Variants in DENND5A observed in about 807,000 individuals in gnomAD.
The protein encoded by DENND5A is DENN domain containing 5A, also known as DENN domain-containing protein 5A.
In DENND5A, 64 loss-of-function variants were observed where a neutral mutation model predicts 140.3. The observed-to-expected ratio is 0.46, with a 90% CI of 0.37 to 0.56. DENND5A has a LOEUF of 0.56. Among genes scored for constraint, DENND5A ranks in the 20% least tolerant of loss-of-function variants. DENND5A has a pLI of 0.00. For synonymous variants in DENND5A, 605 were observed against 607.7 expected (o/e 1.00, Z 0.07); for missense variants, 1,292 against 1,593.8 (o/e 0.81, Z 3.22).
intron 5 of DENND5A, among the ~76,000 whole-genome samples, chr11:9,189,474 T>C (rs944272273): frequency 5.9e-5 from 9 of 152,182 alleles, no homozygotes; most frequent in South Asian, 4.2e-4. Context: ...CACTGACAGC[T>C]TGCACTGTGT....
At position 9,145,712 on chromosome 11, in the gene DENND5A, C is replaced by A; in HGVS notation, c.2961G>T (p.Gln987His). ...ICISGELGET[Q>H]IMQIPRNVLE... ...GCACATTCCTGGGAATCTGCATGATCTGTGTCTCACCCAATTCTCCTGATA... is the reference window on the plus strand; with the variant it reads ...GCACATTCCTGGGAATCTGCATGATATGTGTCTCACCCAATTCTCCTGATA... The change falls in exon 17 of 23, where the codon CAG (glutamine) becomes CAT (histidine). Residue 987 changes from glutamine to histidine, a missense_variant. By Grantham distance (24) the Gln-to-His change is conservative. Coordinates refer to ENST00000328194, the MANE Select transcript of DENND5A (RefSeq NM_015213.4). The A allele has an allele frequency of 6.2e-7, 1 of 1,614,224 alleles. No homozygotes were observed. The highest frequency in any genetic ancestry group is 8.5e-7 in the Non-Finnish European group (1 of 1,180,038).
intron 11 of DENND5A, among the ~76,000 whole-genome samples, chr11:9,161,199 T>A (rs983843250): frequency 2.5e-4 from 38 of 152,162 alleles, no homozygotes; most frequent in African/African-American, 8.4e-4. Flanking sequence ...TACAAAAAAA[T>A]TAGCCAGGTG....
chr11:9,170,579 C>G (rs201766105), intron 9 of DENND5A, 48 bp downstream of exon 9: 2 of 1,609,966 alleles, frequency 1.2e-6, no homozygotes, highest in South Asian at 2.2e-5. Context: ...CTAGATGACC[C>G]TATTACAGCT....
intron 1 of DENND5A, among the ~76,000 whole-genome samples, chr11:9,219,178 T>A (rs1850214877): frequency 6.6e-6 from 1 of 151,900 alleles, no homozygotes; most frequent in Non-Finnish European, 1.5e-5. Flanking sequence ...TTCCCAGAAA[T>A]GACAGGCATG....
At chr11:9,190,308 G>A (rs911162468) in intron 5 of DENND5A, among the ~76,000 whole-genome samples, 1 of 152,096 alleles carries the variant, frequency 6.6e-6, no homozygotes, top group African/African-American at 2.4e-5. Flanking sequence ...GAAGGGGCCA[G>A]GGCAGAGTGA....
chr11:9,180,492 G>T (rs910323864), intron 6 of DENND5A, among the ~76,000 whole-genome samples: 13 of 152,208 alleles, frequency 8.5e-5, no homozygotes, highest in African/African-American at 2.9e-4. Flanking sequence ...TTACTATCAT[G>T]GTCTCTCCAA....
chr11:9,190,664 A>G (rs1057396256), intron 5 of DENND5A, among the ~76,000 whole-genome samples: 12 of 152,214 alleles, frequency 7.9e-5, no homozygotes, highest in African/African-American at 2.9e-4. Context: ...AAAATGGACT[A>G]ATACACTGCC....
chr11:9,228,404 G>A (rs1377262122), intron 1 of DENND5A, among the ~76,000 whole-genome samples: 1 of 152,112 alleles, frequency 6.6e-6, no homozygotes. Flanking sequence ...TTAATCACCA[G>A]TGAGCAATTA....
intron 1 of DENND5A, among the ~76,000 whole-genome samples, chr11:9,234,071 G>C (rs1341026531): frequency 6.6e-6 from 1 of 151,780 alleles, no homozygotes; most frequent in East Asian, 1.9e-4. Flanking sequence ...CCAGCTACTC[G>C]GGAGGCTGAG....
chr11:9,190,576 C>T (rs549128854), intron 5 of DENND5A, among the ~76,000 whole-genome samples: 1 of 152,274 alleles, frequency 6.6e-6, no homozygotes, highest in East Asian at 1.9e-4. Flanking sequence ...CTTTCCCAGC[C>T]ACATGGAACT....
chr11:9,179,859 G>T (rs1210533131), intron 6 of DENND5A, among the ~76,000 whole-genome samples: 1 of 151,068 alleles, frequency 6.6e-6, no homozygotes, highest in Non-Finnish European at 1.5e-5. Context: ...CATGATTTTT[G>T]AAAAATATCT....
At chr11:9,242,036 A>G (rs35354208) in intron 1 of DENND5A, among the ~76,000 whole-genome samples, 2 of 150,992 alleles carry the variant, frequency 1.3e-5, no homozygotes, top group African/African-American at 2.4e-5. Context: ...AAAAAAAAAA[A>G]GTACAACATC....
intron 4 of DENND5A, among the ~76,000 whole-genome samples, chr11:9,194,861 A>G (rs367677403): frequency 6.6e-6 from 1 of 150,942 alleles, no homozygotes; most frequent in Non-Finnish European, 1.5e-5. Flanking sequence ...CTGGGATTAC[A>G]GGTGCCCACC....
At chr11:9,207,484 T>C in intron 2 of DENND5A, 77 bp downstream of exon 2, 1 of 1,135,888 alleles carries the variant, frequency 8.8e-7, no homozygotes, top group East Asian at 2.4e-5. Context: ...GGTCAAAGGT[T>C]ACAAAATGCC....
At position 9,145,936 on chromosome 11, in the gene DENND5A, C is replaced by T. The variant is rs1442005258; in HGVS notation, c.2858-121G>A. The T allele has an allele frequency of 1.1e-5, 12 of 1,085,884 alleles. No individual in the cohort carries two copies. The East Asian group carries it at 2.8e-4, about 26-fold the overall frequency. The allele number at this position is 1,085,884 out of a possible 1,614,324, so 67.3% of individuals were successfully genotyped here. A position where few individuals can be genotyped will look rare whatever the true frequency, so the allele number is the denominator to read the frequency against. On this transcript the variant is annotated intron_variant, in intron 16 of 22. Transcript: ENST00000328194. The stretch of plus-strand genomic sequence containing the variant: ...GTGGCTCCTGCTATCTCAGCTCAAG[C>T]AGAGCCCTGGAACAAGAGGGCCCCA...
At chr11:9,257,656 G>C (rs1357917261) in intron 1 of DENND5A, among the ~76,000 whole-genome samples, 1 of 149,706 alleles carries the variant, frequency 6.7e-6, no homozygotes, top group Non-Finnish European at 1.5e-5. Flanking sequence ...TAATTTTTTT[G>C]AATTTTTAGT....
At chr11:9,211,233 G>A (rs1026686928) in intron 1 of DENND5A, among the ~76,000 whole-genome samples, 2 of 152,042 alleles carry the variant, frequency 1.3e-5, no homozygotes, top group Admixed American at 6.6e-5. Flanking sequence ...AGTGAAAGAG[G>A]GAGATTCCAG....
intron 17 of DENND5A, 76 bp downstream of exon 17, chr11:9,145,594 A>C: frequency 6.6e-7 from 1 of 1,510,932 alleles, no homozygotes; most frequent in Non-Finnish European, 9.1e-7. Context: ...CCTCTGAAAA[A>C]CCCTGCAGAA....
intron 1 of DENND5A, among the ~76,000 whole-genome samples, chr11:9,226,258 C>T (rs1363557571): frequency 1.3e-5 from 2 of 152,230 alleles, no homozygotes; most frequent in Non-Finnish European, 2.9e-5. Flanking sequence ...TTCTATGATT[C>T]CTCAAAGGTT....
Sources: allele counts gnomAD v4.1 joint callset (sites outside exome capture counted in the v4.1 genomes callset), GRCh38; gene constraint gnomAD v4.1.1; transcripts MANE v1.5; gene names NCBI Gene and HGNC (gene_info 2026-07-23, HGNC 2026-07-21).